The following ARMC3 variants were observed in gnomAD, a reference collection of about 807,000 sequenced individuals.
ARMC3 encodes the protein armadillo repeat-containing protein 3.
In ARMC3, 74 loss-of-function variants were observed where a neutral mutation model predicts 90.3. That is an observed-to-expected ratio of 0.82 (90% CI 0.68 to 0.99). The LOEUF (loss-of-function observed/expected upper bound fraction) is 0.99, where lower values mean the gene tolerates loss of function less well. ARMC3 is among the 50% of genes least tolerant of loss of function. ARMC3 has a pLI of 0.00. For synonymous variants in ARMC3, 334 were observed against 361.8 expected, an observed-to-expected ratio of 0.92 and a Z score of 0.87; for missense variants, 958 against 1,042.8, an observed-to-expected ratio of 0.92 and a Z score of 1.12.
Position 23,001,799 on chromosome 10 carries a change from A to T in ARMC3, c.1426-120A>T. 3.3e-6 allele frequency: 4 copies of T among 1,207,222 alleles called. No individual in the cohort carries two copies. In the South Asian group the frequency reaches 6.6e-5, roughly 20 times the overall value. The allele number at this position is 1,207,222 out of a possible 1,614,324, so 74.8% of individuals were successfully genotyped here. A position where few individuals can be genotyped will look rare whatever the true frequency, so the allele number is the denominator to read the frequency against. On this transcript the variant is annotated intron_variant, in intron 11 of 18. Transcript: ENST00000298032. Reference sequence around the variant, plus strand: ...ATTTAATAAACCTAAAGATAGACACATTCTGAAGCATTTTTACATAGTTAA... The same window carrying T: ...ATTTAATAAACCTAAAGATAGACACTTTCTGAAGCATTTTTACATAGTTAA...
At chr10:22,941,246 A>G (rs574219615) in intron 2 of ARMC3, among the ~76,000 whole-genome samples, 1 of 152,302 alleles carries the variant, frequency 6.6e-6, no homozygotes, top group South Asian at 2.1e-4. Flanking sequence ...GGGCATGGAA[A>G]CTTTCACATA....
In ARMC3 at chr10:22,935,617, A is replaced by G. The variant is rs12245227; in HGVS notation, c.48+3573A>G. Among the ~76,000 whole-genome samples, 923 of 152,292 alleles carry G rather than the reference A, an allele frequency of 6.1e-3. 12 individuals carry two copies. The highest frequency in any genetic ancestry group is 0.021 in the African/African-American group (885 of 41,560). ...TTTTATCATTTATTTTGCTATGTAAAGAAGTTATAAGGACTTCTTTTCCCA... is the reference window on the plus strand; with the variant it reads ...TTTTATCATTTATTTTGCTATGTAAGGAAGTTATAAGGACTTCTTTTCCCA... On this transcript the variant is annotated intron_variant, in intron 2 of 18. Transcript: ENST00000298032.
intron 7 of ARMC3, among the ~76,000 whole-genome samples, chr10:22,965,885 G>A (rs932998693): frequency 1.3e-5 from 2 of 152,074 alleles, no homozygotes; most frequent in African/African-American, 4.8e-5. Context: ...TTTCCTCTGT[G>A]AACATATTTA....
At chr10:22,977,662 A>C (rs940749353) in intron 8 of ARMC3, among the ~76,000 whole-genome samples, 1 of 152,200 alleles carries the variant, frequency 6.6e-6, no homozygotes, top group African/African-American at 2.4e-5. Context: ...TGGCAACTCT[A>C]CAAAAACTGA....
At chr10:22,980,057 A>G (rs1444825167) in intron 8 of ARMC3, among the ~76,000 whole-genome samples, 1 of 152,162 alleles carries the variant, frequency 6.6e-6, no homozygotes, top group Non-Finnish European at 1.5e-5. Context: ...GGAAGGGAGA[A>G]ATCATAACTT....
chr10:22,977,200 A>C (rs980089837), intron 8 of ARMC3, among the ~76,000 whole-genome samples: 7 of 152,154 alleles, frequency 4.6e-5, no homozygotes, highest in African/African-American at 1.4e-4. Context: ...TAATTCTGTT[A>C]ATTTTCAAGG....
chr10:22,942,326 A>C, intron 2 of ARMC3, among the ~76,000 whole-genome samples: 1 of 152,198 alleles, frequency 6.6e-6, no homozygotes, highest in Non-Finnish European at 1.5e-5. Context: ...ATCTATGGGC[A>C]GATAGAGAAA....
At chr10:22,969,601 G>A (rs148130544) in intron 8 of ARMC3, among the ~76,000 whole-genome samples, 2 of 152,264 alleles carry the variant, frequency 1.3e-5, no homozygotes, top group East Asian at 3.9e-4. Context: ...TTGAGAGACT[G>A]GTTGTGAAAT....
At chr10:23,012,284 T>G (rs1838050839) in intron 16 of ARMC3, among the ~76,000 whole-genome samples, 1 of 152,256 alleles carries the variant, frequency 6.6e-6, no homozygotes, top group African/African-American at 2.4e-5. Flanking sequence ...CACTCACATC[T>G]TGATCTCATT....
At chr10:22,991,811 G>C (rs1431769132) in intron 10 of ARMC3, among the ~76,000 whole-genome samples, 2 of 152,090 alleles carry the variant, frequency 1.3e-5, no homozygotes, top group Non-Finnish European at 2.9e-5. Flanking sequence ...TTTGTTTGCT[G>C]TGGCACTAGA....
chr10:22,999,692 TG>T (rs1801820977), intron 11 of ARMC3, among the ~76,000 whole-genome samples: 1 of 152,218 alleles, frequency 6.6e-6, no homozygotes, highest in Non-Finnish European at 1.5e-5. Flanking sequence ...ACTTGGTAAG[TG>T]GCGAGTCAGG....
chr10:22,944,391 A>G (rs1347572254), intron 2 of ARMC3, among the ~76,000 whole-genome samples: 2 of 152,128 alleles, frequency 1.3e-5, no homozygotes, highest in East Asian at 3.8e-4. Flanking sequence ...CCCCATTTGC[A>G]TATCCTCCCT....
intron 18 of ARMC3, among the ~76,000 whole-genome samples, chr10:23,035,936 C>A (rs1839109260): frequency 6.6e-6 from 1 of 152,170 alleles, no homozygotes; most frequent in East Asian, 1.9e-4. Context: ...GATGGGAATT[C>A]CTTCACCTCA....
intron 10 of ARMC3, among the ~76,000 whole-genome samples, chr10:22,982,370 G>A (rs1459519555): frequency 6.6e-6 from 1 of 152,184 alleles, no homozygotes; most frequent in Non-Finnish European, 1.5e-5. Flanking sequence ...ACAGAGCGAG[G>A]CTCCGCTTCA....
intron 3 of ARMC3, 108 bp from the exon 4 acceptor site, chr10:22,955,699 G>T: frequency 7.3e-7 from 1 of 1,365,862 alleles, no homozygotes. Flanking sequence ...CGGAAGCCAA[G>T]AGTAATGTGA....
intron 2 of ARMC3, among the ~76,000 whole-genome samples, chr10:22,942,370 CA>C (rs1834357093): frequency 6.6e-6 from 1 of 152,118 alleles, no homozygotes; most frequent in Non-Finnish European, 1.5e-5. Flanking sequence ...TAGCAGAAGA[CA>C]AAGCTGAATG....
intron 11 of ARMC3, among the ~76,000 whole-genome samples, chr10:22,999,476 A>G (rs942312596): frequency 6.6e-6 from 1 of 152,204 alleles, no homozygotes; most frequent in African/African-American, 2.4e-5. Context: ...TCACATTTTC[A>G]TGTCACCATG....
intron 13 of ARMC3, among the ~76,000 whole-genome samples, chr10:23,006,571 G>T (rs556129416): frequency 6.6e-6 from 1 of 152,272 alleles, no homozygotes; most frequent in South Asian, 2.1e-4. Context: ...CAGGCAGTCA[G>T]CTCTCCCTTA....
At chr10:23,003,201 G>C (rs754403853) in intron 12 of ARMC3, 45 bp from the exon 13 acceptor site, 13 of 1,563,488 alleles carry the variant, frequency 8.3e-6, no homozygotes, top group Non-Finnish European at 8.7e-6. Context: ...CTCAGTATTG[G>C]ATGGCTTGTA....
Sources: allele counts gnomAD v4.1 joint callset (sites outside exome capture counted in the v4.1 genomes callset), GRCh38; gene constraint gnomAD v4.1.1; transcripts MANE v1.5; gene names NCBI Gene and HGNC (gene_info 2026-07-23, HGNC 2026-07-21).